The following ATP9A variants were observed in gnomAD, a reference collection of about 807,000 sequenced individuals.
The protein encoded by ATP9A is ATPase phospholipid transporting 9A.
ATP9A carries 52 observed loss-of-function variants against 144.1 expected under a neutral mutation model. That is an observed-to-expected ratio of 0.36 (90% confidence interval 0.29 to 0.45). The LOEUF (loss-of-function observed/expected upper bound fraction) is 0.45. ATP9A is among the 20% of genes least tolerant of loss of function. The pLI, the probability that ATP9A is intolerant of heterozygous loss-of-function variation, is 1.00. For missense variants in ATP9A, 947 were observed against 1,392.7 expected, an observed-to-expected ratio of 0.68 and a Z score of 5.09; for synonymous variants, 582 against 557.4, an observed-to-expected ratio of 1.04 and a Z score of -0.62.
chr20:51,633,205 T>C (rs968922395), intron 15 of ATP9A, among the ~76,000 whole-genome samples: 4 of 152,034 alleles, frequency 2.6e-5, no homozygotes, highest in African/African-American at 7.2e-5. Flanking sequence ...ATGAATGAAA[T>C]AGTGGCACAT....
rs376500026 is a variant in ATP9A, at chr20:51,663,872, C to T, written c.1293+6125G>A. 1.2e-4 allele frequency among the ~76,000 whole-genome samples: 18 copies of T among 151,084 alleles called. 2 individuals are homozygous for T. The highest frequency in any genetic ancestry group is 1.3e-4 in the Admixed American group (2 of 15,188). On this transcript the variant is annotated intron_variant, in intron 13 of 27. Coordinates refer to ENST00000338821, the MANE Select transcript of ATP9A (RefSeq NM_006045.3). ...CTGTGGATGCAGAAAGTAAGAAGAA[C>T]GCTCTCTGGCAGTCAGTACTGATGA...
Position 51,621,980 on chromosome 20 carries a change from C to T in ATP9A, c.2115+94G>A, listed in dbSNP as rs1158441654. 8.3e-6 allele frequency: 9 copies of T among 1,084,098 alleles called. No individual in the cohort carries two copies. The South Asian group carries it at 8.3e-5, about 10-fold the overall frequency. The allele number at this position is 1,084,098 out of a possible 1,614,324, so 67.2% of individuals were successfully genotyped here. ...CCCACCCTAGGTAATTCACATGCTG[C>T]CCCTCCCTTCTTAAGGGGCCCACTC... On this transcript the variant is annotated intron_variant, in intron 19 of 27. Transcript: ENST00000338821.
At chr20:51,618,638 C>T (rs758203853) in intron 21 of ATP9A, 24 bp downstream of exon 21, 1 of 1,600,340 alleles carries the variant, frequency 6.2e-7, no homozygotes, top group Non-Finnish European at 8.5e-7. Flanking sequence ...CCAGGGCCAG[C>T]AGCACAGCCT....
intron 13 of ATP9A, among the ~76,000 whole-genome samples, 164 bp downstream of exon 13, chr20:51,669,833 C>T (rs779571383): frequency 3.3e-5 from 5 of 151,388 alleles, no homozygotes; most frequent in Non-Finnish European, 5.9e-5. Context: ...AACATAAAAT[C>T]GATTGCAGTG....
chr20:51,766,708 T>A (rs1173089284), intron 1 of ATP9A, among the ~76,000 whole-genome samples: 1 of 151,908 alleles, frequency 6.6e-6, no homozygotes, highest in Non-Finnish European at 1.5e-5. Context: ...AGGCGTGGTG[T>A]CGGGCGCCTG....
intron 24 of ATP9A, among the ~76,000 whole-genome samples, chr20:51,609,871 C>T (rs2077178346): frequency 6.6e-6 from 1 of 152,190 alleles, no homozygotes. Flanking sequence ...AAGTGCAACA[C>T]ACCACACACA....
chr20:51,659,226 A>C (rs928231177), intron 13 of ATP9A, among the ~76,000 whole-genome samples: 1 of 152,066 alleles, frequency 6.6e-6, no homozygotes, highest in Non-Finnish European at 1.5e-5. Flanking sequence ...TTCCCGTTGC[A>C]AGTCACATTT....
chr20:51,720,497 G>T (rs116928993), intron 3 of ATP9A, among the ~76,000 whole-genome samples: 1 of 152,132 alleles, frequency 6.6e-6, no homozygotes, highest in Non-Finnish European at 1.5e-5. Context: ...GGGCTTTACT[G>T]CATCAGCCCA....
rs531704319 is a variant in ATP9A, at chr20:51,611,629, C to T, written c.2572-1464G>A. On this transcript the variant is annotated intron_variant, in intron 23 of 27. Transcript: ENST00000338821. This position sits in a 1 kb window ranked among gnomAD's most constrained non-coding sequence, Gnocchi z 4.2. ...AAGAACAATGCCTCATCCTGGAATTCTTTTTCTACATCAATGTTAACAGTA... is the reference window on the plus strand; with the variant it reads ...AAGAACAATGCCTCATCCTGGAATTTTTTTTCTACATCAATGTTAACAGTA... 6.6e-6 allele frequency among the ~76,000 whole-genome samples: 1 copy of T among 152,286 alleles called. No individual in the cohort carries two copies. The highest frequency in any genetic ancestry group is 2.4e-5 in the African/African-American group (1 of 41,564).
chr20:51,616,195 G>A (rs1412977097), intron 22 of ATP9A, among the ~76,000 whole-genome samples: 2 of 152,170 alleles, frequency 1.3e-5, no homozygotes, highest in Non-Finnish European at 2.9e-5. Context: ...ACCAGAAAGG[G>A]TGGTAAAGAG....
At chr20:51,610,001 G>T in intron 24 of ATP9A, 100 bp downstream of exon 24, 1 of 1,067,292 alleles carries the variant, frequency 9.4e-7, no homozygotes, top group Non-Finnish European at 1.4e-6. Context: ...ATCCAATGTG[G>T]CTTGGGAACC....
chr20:51,758,473 G>A (rs911843059), intron 1 of ATP9A, among the ~76,000 whole-genome samples: 3 of 152,162 alleles, frequency 2.0e-5, no homozygotes, highest in African/African-American at 7.2e-5. Flanking sequence ...GTTCTGAGAA[G>A]TAAGGGACAA....
At chr20:51,698,804 G>C (rs994436518) in intron 4 of ATP9A, among the ~76,000 whole-genome samples, 2 of 152,202 alleles carry the variant, frequency 1.3e-5, no homozygotes, top group Non-Finnish European at 2.9e-5. Context: ...CCAAAGGCTA[G>C]AACTCCTTCA....
chr20:51,618,262 A>G (rs1191939514), intron 21 of ATP9A, among the ~76,000 whole-genome samples: 1 of 151,440 alleles, frequency 6.6e-6, no homozygotes, highest in African/African-American at 2.4e-5. Context: ...TCATGACACC[A>G]TTTAAGGAAG....
chr20:51,729,778 A>G (rs2077732126), intron 2 of ATP9A, 56 bp downstream of exon 2: 1 of 1,480,620 alleles, frequency 6.8e-7, no homozygotes, highest in Non-Finnish European at 9.0e-7. Context: ...CATCTGTACC[A>G]ATGCATGTAT....
At chr20:51,605,781 C>T (rs1210266795) in intron 26 of ATP9A, among the ~76,000 whole-genome samples, 3 of 151,546 alleles carry the variant, frequency 2.0e-5, no homozygotes, top group East Asian at 1.9e-4. Flanking sequence ...GACGTGGAAG[C>T]GCATGCCTGT....
chr20:51,747,269 T>C (rs1250038337), intron 1 of ATP9A, among the ~76,000 whole-genome samples: 4 of 152,072 alleles, frequency 2.6e-5, no homozygotes, highest in Non-Finnish European at 5.9e-5. Flanking sequence ...GCCAAGTCAA[T>C]GTGGCAGCTT....
chr20:51,742,523 T>C (rs2077789441), intron 1 of ATP9A, among the ~76,000 whole-genome samples: 1 of 152,048 alleles, frequency 6.6e-6, no homozygotes, highest in Non-Finnish European at 1.5e-5. Flanking sequence ...TTACTTTTTT[T>C]TTTCTTTTTT....
chr20:51,695,285 C>T (rs1257843185), intron 6 of ATP9A, among the ~76,000 whole-genome samples: 2 of 151,886 alleles, frequency 1.3e-5, no homozygotes, highest in African/African-American at 4.8e-5. Context: ...GAGTTCGAGA[C>T]CAGCCTGGCC....
Sources: gnomAD v4.1 joint callset for allele counts (sites outside exome capture counted in the v4.1 genomes callset) on GRCh38, gnomAD v4.1.1 for gene constraint, Gnocchi (gnomAD v3.1) non-coding constraint, MANE v1.5 for transcripts, NCBI Gene and HGNC (gene_info 2026-07-23, HGNC 2026-07-21) for gene names.